The following TTC28 variants were observed in gnomAD, a reference collection of about 807,000 sequenced individuals.
TTC28 encodes tetratricopeptide repeat protein 28.
A neutral mutation model predicts 198.0 loss-of-function variants in TTC28; 61 were observed. The ratio of observed to expected loss-of-function variants is 0.31; its 90% CI spans 0.25 to 0.38. The LOEUF is 0.38. Ranked by LOEUF, TTC28 falls within the 10% of genes least tolerant of loss-of-function variation. The pLI is 1.00. For synonymous variants in TTC28, 1,171 were observed against 1,297.8 expected, an observed-to-expected ratio of 0.90 and a Z score of 2.10; for missense variants, 2,678 against 3,164.0, an observed-to-expected ratio of 0.85 and a Z score of 3.69.
chr22:28,534,046 C>A (rs1307794290), intron 2 of TTC28, among the ~76,000 whole-genome samples: 1 of 152,082 alleles, frequency 6.6e-6, no homozygotes, highest in African/African-American at 2.4e-5. Flanking sequence ...CAACAAAAGC[C>A]AAAATTGACA....
At chr22:28,457,257 A>AAG (rs1324384763) in intron 2 of TTC28, among the ~76,000 whole-genome samples, 1 of 152,194 alleles carries the variant, frequency 6.6e-6, no homozygotes, top group Admixed American at 6.5e-5. Context: ...GTATTACACT[A>AAG]ACCTAATATA....
chr22:28,521,128 A>G (rs1215642359), intron 2 of TTC28, among the ~76,000 whole-genome samples: 3 of 152,156 alleles, frequency 2.0e-5, no homozygotes, highest in Admixed American at 6.5e-5. Context: ...GGCAAGGGGC[A>G]GTGGCTCATG....
chr22:27,992,149 G>A (rs904579315), intron 19 of TTC28, among the ~76,000 whole-genome samples: 1 of 152,044 alleles, frequency 6.6e-6, no homozygotes, highest in Non-Finnish European at 1.5e-5. Context: ...GACCACAGGT[G>A]ACAGGGGCCC....
chr22:28,027,843 G>A (rs1938896840), intron 13 of TTC28, among the ~76,000 whole-genome samples: 1 of 152,244 alleles, frequency 6.6e-6, no homozygotes, highest in Non-Finnish European at 1.5e-5. Flanking sequence ...GGCATGTTTT[G>A]GCACCTGTTC....
At chr22:28,409,553 T>C (rs1245633805) in intron 2 of TTC28, among the ~76,000 whole-genome samples, 1 of 150,228 alleles carries the variant, frequency 6.7e-6, no homozygotes, top group African/African-American at 2.4e-5. Flanking sequence ...ACATATGTTA[T>C]ATGTGTTTAT....
At chr22:28,052,067 CA>C (rs1940108495) in intron 12 of TTC28, among the ~76,000 whole-genome samples, 1 of 152,064 alleles carries the variant, frequency 6.6e-6, no homozygotes, top group Non-Finnish European at 1.5e-5. Flanking sequence ...ATGTATTTGC[CA>C]AATAGAAAGG....
intron 1 of TTC28, among the ~76,000 whole-genome samples, chr22:28,634,500 C>T (rs1039266875): frequency 2.5e-5 from 3 of 120,796 alleles, no homozygotes; most frequent in Admixed American, 9.1e-5. Context: ...AGCGAGACTC[C>T]ATCTCAAAAA....
chr22:28,155,946 AG>A (rs1489401838), intron 6 of TTC28, among the ~76,000 whole-genome samples: 10 of 152,214 alleles, frequency 6.6e-5, no homozygotes, highest in African/African-American at 2.4e-4. Flanking sequence ...CTCAACTAGT[AG>A]GTTGATGCAA....
intron 2 of TTC28, among the ~76,000 whole-genome samples, chr22:28,392,506 T>C (rs2046744773): frequency 6.6e-6 from 1 of 152,172 alleles, no homozygotes; most frequent in South Asian, 2.1e-4. Context: ...TCCGTGGGCG[T>C]AGGACCCTCC....
At chr22:28,249,680 C>A (rs1930371225) in intron 5 of TTC28, among the ~76,000 whole-genome samples, 1 of 152,192 alleles carries the variant, frequency 6.6e-6, no homozygotes, top group Non-Finnish European at 1.5e-5. Flanking sequence ...TTCACTTCCC[C>A]CTGAGGCAGG....
intron 12 of TTC28, among the ~76,000 whole-genome samples, chr22:28,033,711 A>AAAATAAATC (rs1263406475): frequency 6.6e-6 from 1 of 152,252 alleles, no homozygotes; most frequent in Non-Finnish European, 1.5e-5. Flanking sequence ...TTTAAAAAAC[A>AAAATAAATC]AAATAAATCC....
At chr22:28,246,902 A>C (rs187789969) in intron 5 of TTC28, among the ~76,000 whole-genome samples, 134 of 152,266 alleles carry the variant, frequency 8.8e-4, no homozygotes, top group Middle Eastern at 3.4e-3. Flanking sequence ...ATGGCTTTTT[A>C]AAGGAAGATC....
At chr22:28,468,437 C>G (rs2048053886) in intron 2 of TTC28, among the ~76,000 whole-genome samples, 1 of 152,096 alleles carries the variant, frequency 6.6e-6, no homozygotes, top group South Asian at 2.1e-4. Context: ...TCTATGTCTC[C>G]TCTCCCCCAT....
chr22:28,399,269 T>C (rs1193123918), intron 2 of TTC28, among the ~76,000 whole-genome samples: 4 of 152,036 alleles, frequency 2.6e-5, no homozygotes, highest in African/African-American at 9.7e-5. Flanking sequence ...CCCAGCTCAT[T>C]TCTGAGCCCT....
At chr22:28,073,692 G>A (rs1358399273) in intron 12 of TTC28, among the ~76,000 whole-genome samples, 1 of 152,136 alleles carries the variant, frequency 6.6e-6, no homozygotes, top group African/African-American at 2.4e-5. Flanking sequence ...TACTGATGTT[G>A]GGCTTGATAC....
In TTC28 at chr22:27,982,740, G is replaced by A; in HGVS notation, c.6927C>T (p.Ser2309=). Residue 2309 remains serine, a synonymous_variant, in exon 23 of 23, where the codon AGC becomes AGT. Transcript: ENST00000397906. The surrounding 1 kb of genome is among the most constrained non-coding windows in gnomAD (Gnocchi z 5.2). ...ISKSPRNMSP[S]SGHQSPAGSA... is the part of the protein sequence containing the mutation. ...TGCCAGCAGGAGACTGGTGGCCGGA[G>A]CTTGGGGACATGTTCCTTGGTGATT... The A allele has an allele frequency of 1.3e-6, 2 of 1,551,500 alleles. No individual in the cohort carries two copies. The highest frequency in any genetic ancestry group is 2.4e-5 in the East Asian group (1 of 40,878).
At chr22:28,318,769 A>G (rs1483687621) in intron 2 of TTC28, among the ~76,000 whole-genome samples, 3 of 150,390 alleles carry the variant, frequency 2.0e-5, no homozygotes, top group African/African-American at 4.9e-5. Flanking sequence ...TAGAAAGATC[A>G]TATAACATGG....
At chr22:28,312,910 A>C (rs1244670494) in intron 2 of TTC28, among the ~76,000 whole-genome samples, 2 of 152,228 alleles carry the variant, frequency 1.3e-5, no homozygotes, top group African/African-American at 4.8e-5. Flanking sequence ...TCAAAAAATC[A>C]ATGAATACAG....
intron 5 of TTC28, among the ~76,000 whole-genome samples, chr22:28,192,767 GCC>G (rs1924952044): frequency 6.6e-6 from 1 of 152,160 alleles, no homozygotes; most frequent in African/African-American, 2.4e-5. Context: ...AAGGACAACA[GCC>G]TCCAAGAAAT....
Sources: gnomAD v4.1 joint callset for allele counts (sites outside exome capture counted in the v4.1 genomes callset) on GRCh38, gnomAD v4.1.1 for gene constraint, Gnocchi (gnomAD v3.1) non-coding constraint, MANE v1.5 for transcripts, NCBI Gene and HGNC (gene_info 2026-07-23, HGNC 2026-07-21) for gene names.